Variants in TRMT11 observed in about 807,000 individuals in gnomAD.
The protein encoded by TRMT11 is tRNA (guanine(10)-N(2))-methyltransferase TRMT11.
In TRMT11, 53 loss-of-function variants were observed where a neutral mutation model predicts 62.8. The observed-to-expected ratio is 0.84, with a 90% CI of 0.68 to 1.06. The LOEUF (loss-of-function observed/expected upper bound fraction) is 1.06. Ranked by LOEUF, TRMT11 falls within the 50% of genes least tolerant of loss-of-function variation. TRMT11 has a pLI of 0.00. For synonymous variants in TRMT11, 188 were observed against 190.3 expected (o/e 0.99, Z 0.10); for missense variants, 556 against 553.4 (o/e 1.00, Z -0.05).
At chr6:126,110,198 T>A (rs1777515044) in intron 17 of TRMT11, among the ~76,000 whole-genome samples, 1 of 152,094 alleles carries the variant, frequency 6.6e-6, no homozygotes, top group South Asian at 2.1e-4. Flanking sequence ...TATTATTGGC[T>A]TTTTTGGGGG....
chr6:126,158,872 T>C (rs926605428), intron 21 of TRMT11, among the ~76,000 whole-genome samples: 1 of 152,162 alleles, frequency 6.6e-6, no homozygotes, highest in Non-Finnish European at 1.5e-5. Context: ...GCTCTTGAAA[T>C]GGTATTCTCA....
At position 126,075,769 on chromosome 6, in the gene TRMT11, CAAAT is replaced by C. The variant is rs200039353; in HGVS notation, c.*1437+22583_*1437+22586del. Among the ~76,000 whole-genome samples the C allele has an allele frequency of 6.9e-3, 1,048 of 152,242 alleles. 11 individuals carry two copies. Among genetic ancestry groups the C allele is most frequent in the African/African-American group, 0.024 (999 of 41,542 alleles). Reference sequence around the variant, plus strand: ...CAGACAAATCCCCAAGTTTCCCACTCAAATAAAGTTTATTTTTTGCTCATGTGGG... The same window carrying C: ...CAGACAAATCCCCAAGTTTCCCACTCAAAGTTTATTTTTTGCTCATGTGGG... On this transcript the variant is annotated intron_variant and NMD_transcript_variant, in intron 17 of 22. Transcript: ENST00000648977.
chr6:126,155,436 G>A (rs139800674), intron 21 of TRMT11, among the ~76,000 whole-genome samples: 16 of 152,188 alleles, frequency 1.1e-4, no homozygotes, highest in Non-Finnish European at 1.0e-4. Flanking sequence ...TTCTGCCTCT[G>A]GCCCCTCAAA....
At chr6:126,259,518 A>T in the TRMT11 span, among the ~76,000 whole-genome samples, 2 of 152,190 alleles carry the variant, frequency 1.3e-5, no homozygotes, top group Non-Finnish European at 2.9e-5. Context: ...TTCTTTATCC[A>T]GTCTACCATT....
At chr6:126,239,642 T>A in the TRMT11 span, among the ~76,000 whole-genome samples, 14 of 152,152 alleles carry the variant, frequency 9.2e-5, no homozygotes, top group African/African-American at 2.9e-4. Context: ...CCCTTAACAT[T>A]TTTTCCTTCA....
rs1221476041 is a variant in TRMT11, at chr6:126,089,115, C to CTT, written c.*1438-23739_*1438-23738dup. On this transcript the variant is annotated intron_variant and NMD_transcript_variant, in intron 17 of 22. Coordinates refer to the TRMT11 transcript ENST00000648977. The stretch of plus-strand genomic sequence containing the variant: ...CTCTGCAAAGCTCTTTACATGTAAT[C>CTT]TTTTTTTTTTTTTCCCAAGATGGAG... Among the ~76,000 whole-genome samples the CTT allele has an allele frequency of 7.7e-4, 111 of 145,060 alleles. 2 individuals are homozygous for CTT. In the East Asian group the frequency reaches 0.014, roughly 18 times the overall value.
At chr6:126,126,784 C>A (rs1371589266) in intron 21 of TRMT11, among the ~76,000 whole-genome samples, 1 of 151,902 alleles carries the variant, frequency 6.6e-6, no homozygotes, top group Non-Finnish European at 1.5e-5. Flanking sequence ...CTCCTAAGAT[C>A]AAAAAAGAGG....
chr6:126,204,969 G>A (rs1778775450), downstream of TRMT11, among the ~76,000 whole-genome samples: 1 of 152,118 alleles, frequency 6.6e-6, no homozygotes, highest in African/African-American at 2.4e-5. Context: ...TATGCAGCCT[G>A]TACAATACAG....
chr6:126,000,801 A>G (rs974240767), intron 7 of TRMT11, among the ~76,000 whole-genome samples: 4 of 152,262 alleles, frequency 2.6e-5, no homozygotes, highest in African/African-American at 7.2e-5. Context: ...CAGTTTCTCC[A>G]TATCACCTAC....
At chr6:126,192,175 G>T (rs9491579) in intron 1 of TRMT11, among the ~76,000 whole-genome samples, 14,154 of 151,990 alleles carry the variant, frequency 0.093, 2,195 homozygotes, top group African/African-American at 0.32. Flanking sequence ...CTGGTTAAAT[G>T]TATTCCTAGG....
At chr6:126,018,532 A>G (rs1016907862) in intron 11 of TRMT11, among the ~76,000 whole-genome samples, 3 of 151,976 alleles carry the variant, frequency 2.0e-5, no homozygotes, top group South Asian at 4.2e-4. Context: ...ATACAACTTC[A>G]TGGTTTTTAG....
intron 21 of TRMT11, among the ~76,000 whole-genome samples, chr6:126,116,255 C>A (rs1355031800): frequency 2.0e-5 from 3 of 151,828 alleles, no homozygotes; most frequent in Admixed American, 1.3e-4. Context: ...TTCCAAGGAA[C>A]AAGAGTGAGA....
chr6:126,156,701 A>G (rs1778126170), intron 21 of TRMT11, among the ~76,000 whole-genome samples: 1 of 152,174 alleles, frequency 6.6e-6, no homozygotes, highest in Admixed American at 6.5e-5. Context: ...AGCATCTCAC[A>G]TGACCATAGT....
intron 11 of TRMT11, among the ~76,000 whole-genome samples, chr6:126,019,386 C>A (rs1236972058): frequency 6.6e-6 from 1 of 152,068 alleles, no homozygotes; most frequent in African/African-American, 2.4e-5. Flanking sequence ...TAGCGTCATT[C>A]ATGTCATAGA....
chr6:125,989,698 A>G (rs977242003), intron 1 of TRMT11, among the ~76,000 whole-genome samples: 2 of 152,136 alleles, frequency 1.3e-5, no homozygotes, highest in African/African-American at 4.8e-5. Context: ...TTCTTAGTGT[A>G]TTACACTTGT....
intron 1 of TRMT11, among the ~76,000 whole-genome samples, chr6:126,185,673 C>T (rs558216566): frequency 1.3e-5 from 2 of 152,056 alleles, no homozygotes; most frequent in South Asian, 2.1e-4. Flanking sequence ...TTTAGTTAGC[C>T]CTTTTTATTA....
downstream of TRMT11, among the ~76,000 whole-genome samples, chr6:126,206,599 A>G (rs1778794197): frequency 6.6e-6 from 1 of 152,222 alleles, no homozygotes; most frequent in African/African-American, 2.4e-5. Flanking sequence ...TCATTGGTGG[A>G]GATGCTAATT....
At chr6:126,266,369 G>A in the TRMT11 span, among the ~76,000 whole-genome samples, 1 of 152,066 alleles carries the variant, frequency 6.6e-6, no homozygotes, top group Non-Finnish European at 1.5e-5. Flanking sequence ...AGCTTTCTAC[G>A]GTAACCACTC....
At chr6:126,052,617 C>G (rs1005663741) in intron 16 of TRMT11, among the ~76,000 whole-genome samples, 6 of 152,140 alleles carry the variant, frequency 3.9e-5, no homozygotes, top group African/African-American at 1.4e-4. Context: ...CACCTGTGGA[C>G]CGGCCAAAAG....
Sources: allele counts gnomAD v4.1 joint callset (sites outside exome capture counted in the v4.1 genomes callset), GRCh38; gene constraint gnomAD v4.1.1; transcripts MANE v1.5; gene names NCBI Gene and HGNC (gene_info 2026-07-23, HGNC 2026-07-21).